The following ANKIB1 variants were observed in gnomAD, a reference collection of about 807,000 sequenced individuals.
The protein encoded by ANKIB1 is ankyrin repeat and IBR domain containing 1.
In ANKIB1, 43 loss-of-function variants were observed where a neutral mutation model predicts 122.1. That is an observed-to-expected ratio of 0.35 (90% confidence interval 0.28 to 0.45). The LOEUF (loss-of-function observed/expected upper bound fraction) is 0.45. Among genes scored for constraint, ANKIB1 ranks in the 20% least tolerant of loss-of-function variants. The pLI is 1.00. For missense variants in ANKIB1, 992 were observed against 1,329.5 expected, an observed-to-expected ratio of 0.75 and a Z score of 3.95; for synonymous variants, 390 against 442.0, an observed-to-expected ratio of 0.88 and a Z score of 1.48.
At chr7:92,384,225 G>T (rs545219217) in intron 11 of ANKIB1, among the ~76,000 whole-genome samples, 1 of 152,122 alleles carries the variant, frequency 6.6e-6, no homozygotes. Flanking sequence ...ACTGTTCAAT[G>T]AAATAAAAGA....
chr7:92,356,831 A>G (rs971334042), intron 9 of ANKIB1, among the ~76,000 whole-genome samples: 1 of 152,270 alleles, frequency 6.6e-6, no homozygotes, highest in African/African-American at 2.4e-5. Flanking sequence ...GGGGATAAAT[A>G]GTACCAGTTA....
chr7:92,351,950 A>G (rs920855556), intron 8 of ANKIB1, among the ~76,000 whole-genome samples: 7 of 151,674 alleles, frequency 4.6e-5, no homozygotes, highest in African/African-American at 1.7e-4. Flanking sequence ...CCAACTCCCA[A>G]CCTTAGGTGA....
At chr7:92,273,247 G>C (rs1801834448) in intron 1 of ANKIB1, among the ~76,000 whole-genome samples, 1 of 152,130 alleles carries the variant, frequency 6.6e-6, no homozygotes, top group Non-Finnish European at 1.5e-5. Context: ...ACACAAAATG[G>C]CATAAACAAT....
At chr7:92,262,908 CCTTA>C (rs1400150802) in intron 1 of ANKIB1, among the ~76,000 whole-genome samples, 1 of 152,052 alleles carries the variant, frequency 6.6e-6, no homozygotes, top group Non-Finnish European at 1.5e-5. Flanking sequence ...ATTTTGTCAC[CCTTA>C]CTTCATAATG....
chr7:92,339,559 C>G (rs564977627), intron 5 of ANKIB1, among the ~76,000 whole-genome samples: 1 of 152,188 alleles, frequency 6.6e-6, no homozygotes, highest in East Asian at 1.9e-4. Flanking sequence ...TTCATTTGTT[C>G]GTTCAACAGA....
chr7:92,350,352 A>T (rs1803632772), intron 7 of ANKIB1, among the ~76,000 whole-genome samples: 1 of 152,188 alleles, frequency 6.6e-6, no homozygotes, highest in Admixed American at 6.5e-5. Context: ...TTTAATTTTA[A>T]ATAAAAATAC....
At chr7:92,281,948 T>C (rs937827892) in intron 1 of ANKIB1, among the ~76,000 whole-genome samples, 1 of 152,188 alleles carries the variant, frequency 6.6e-6, no homozygotes, top group Admixed American at 6.5e-5. Flanking sequence ...AGTGTAAACA[T>C]AGAATTCACT....
At chr7:92,329,200 T>G (rs1046063879) in intron 5 of ANKIB1, among the ~76,000 whole-genome samples, 1 of 152,108 alleles carries the variant, frequency 6.6e-6, no homozygotes, top group Non-Finnish European at 1.5e-5. Flanking sequence ...ACTCCCAATC[T>G]AGGTGATCCA....
At chr7:92,363,319 G>A (rs1467789319) in intron 10 of ANKIB1, among the ~76,000 whole-genome samples, 1 of 152,136 alleles carries the variant, frequency 6.6e-6, no homozygotes, top group Non-Finnish European at 1.5e-5. Flanking sequence ...GCTGAGGCAG[G>A]AGAATTGCTT....
chr7:92,394,292 T>C (rs1387168759), intron 17 of ANKIB1, among the ~76,000 whole-genome samples: 4 of 152,206 alleles, frequency 2.6e-5, no homozygotes, highest in South Asian at 2.1e-4. Flanking sequence ...TTTTTAGTCT[T>C]TTCTGTATCC....
rs981720467 is a variant in ANKIB1, at chr7:92,323,055, G to T, written c.669+3543G>T. Among the ~76,000 whole-genome samples, 3 of 152,126 alleles carry T rather than the reference G, an allele frequency of 2.0e-5. No individual in the cohort carries two copies. In the East Asian group the frequency reaches 5.8e-4, roughly 29 times the overall value. On this transcript the variant is annotated intron_variant, in intron 4 of 19. Transcript: ENST00000265742. Reference sequence around the variant, plus strand: ...GGCTCATTTTCAACATTAGCTAATTGTCTGCTGCTATAATCATGATTATTA... The same window carrying T: ...GGCTCATTTTCAACATTAGCTAATTTTCTGCTGCTATAATCATGATTATTA...
chr7:92,399,734 C>T lies in ANKIB1; in HGVS notation c.*785C>T, dbSNP rs1197432657. ...GCATTTATATAAATGTAGCCTGTAG[C>T]TTAAGTTAACTAAACCTAATGCTGC... On this transcript the variant is annotated 3_prime_UTR_variant, in exon 20 of 20. Coordinates refer to ENST00000265742, the MANE Select transcript of ANKIB1 (RefSeq NM_019004.2). The T allele has an allele frequency of 6.6e-6, 1 of 152,130 alleles. No individual in the cohort carries two copies. The highest frequency in any genetic ancestry group is 1.5e-5 in the Non-Finnish European group (1 of 68,026). 9.4% of individuals were successfully genotyped at this position (152,130 alleles called of 1,614,324 possible).
chr7:92,261,491 C>A (rs906014419), intron 1 of ANKIB1, among the ~76,000 whole-genome samples: 2 of 151,834 alleles, frequency 1.3e-5, no homozygotes, highest in South Asian at 4.1e-4. Flanking sequence ...TTATTAATTG[C>A]TATTGACTGC....
Position 92,342,936 on chromosome 7 carries a change from G to A in ANKIB1, c.788-88G>A, listed in dbSNP as rs765630513. 9 of 1,253,178 alleles carry A rather than the reference G, an allele frequency of 7.2e-6. No homozygotes were observed. The African/African-American group carries it at 7.6e-5, about 11-fold the overall frequency. The allele number at this position is 1,253,178 out of a possible 1,614,324, so 77.6% of individuals were successfully genotyped here. A position where few individuals can be genotyped will look rare whatever the true frequency, so the allele number is the denominator to read the frequency against. On this transcript the variant is annotated intron_variant, in intron 5 of 19. Coordinates refer to ENST00000265742, the MANE Select transcript of ANKIB1 (RefSeq NM_019004.2). Reference sequence around the variant, plus strand: ...TTTTTTCTTTAGATGACCAAAATTTGTAATTCTCATATTTTTGTTATTATA... The same window carrying A: ...TTTTTTCTTTAGATGACCAAAATTTATAATTCTCATATTTTTGTTATTATA...
At chr7:92,264,408 T>A (rs968693471) in intron 1 of ANKIB1, among the ~76,000 whole-genome samples, 1 of 151,862 alleles carries the variant, frequency 6.6e-6, no homozygotes, top group Non-Finnish European at 1.5e-5. Flanking sequence ...TTTTTTTTTT[T>A]AAATTTTGAG....
chr7:92,277,191 T>TCTGCAGTTTA (rs1801922535), intron 1 of ANKIB1, among the ~76,000 whole-genome samples: 2 of 152,194 alleles, frequency 1.3e-5, no homozygotes, highest in Non-Finnish European at 2.9e-5. Context: ...ATGAGCCAGT[T>TCTGCAGTTTA]TAACCTCTTT....
chr7:92,371,424 A>G (rs367558927), intron 10 of ANKIB1, 53 bp from the exon 11 acceptor site: 75 of 1,514,362 alleles, frequency 5.0e-5, no homozygotes, highest in South Asian at 1.2e-5. Context: ...TTTTTCCCCC[A>G]GAAGTTGTAC....
intron 5 of ANKIB1, among the ~76,000 whole-genome samples, chr7:92,332,878 A>G (rs958443840): frequency 2.0e-5 from 3 of 152,158 alleles, no homozygotes; most frequent in African/African-American, 7.2e-5. Flanking sequence ...AAATCCTTCC[A>G]GTCTATCTCA....
intron 7 of ANKIB1, among the ~76,000 whole-genome samples, chr7:92,349,671 T>C (rs1803616585): frequency 1.3e-5 from 2 of 152,182 alleles, no homozygotes; most frequent in Admixed American, 6.5e-5. Context: ...ATAATAACAA[T>C]AATAATCCTT....
Sources: gnomAD v4.1 joint callset for allele counts (sites outside exome capture counted in the v4.1 genomes callset) on GRCh38, gnomAD v4.1.1 for gene constraint, MANE v1.5 for transcripts, NCBI Gene and HGNC (gene_info 2026-07-23, HGNC 2026-07-21) for gene names.